MAP3K2: variants seen among roughly 807,000 people sequenced by gnomAD.
MAP3K2 encodes the protein mitogen-activated protein kinase kinase kinase 2, also known as MAP/ERK kinase kinase 2.
MAP3K2 carries 24 observed loss-of-function variants against 80.3 expected under a neutral mutation model. The ratio of observed to expected loss-of-function variants is 0.30; its 90% CI spans 0.22 to 0.42. The LOEUF (loss-of-function observed/expected upper bound fraction) is 0.42. MAP3K2 is among the 10% of genes least tolerant of loss of function. The pLI is 1.00. For synonymous variants in MAP3K2, 244 were observed against 253.7 expected (o/e 0.96, Z 0.36); for missense variants, 608 against 750.1 (o/e 0.81, Z 2.21).
Position 127,356,219 on chromosome 2 carries a change from T to C in MAP3K2, c.-65-13025A>G, listed in dbSNP as rs141519450. Among the ~76,000 whole-genome samples, 660 of 152,258 alleles carry C rather than the reference T, an allele frequency of 4.3e-3. 6 individuals are homozygous for C. The highest frequency in any genetic ancestry group is 0.015 in the African/African-American group (628 of 41,506). On this transcript the variant is annotated intron_variant, in intron 1 of 16. Transcript: ENST00000682094. ...ACCTCCTCCCATGAATCACCAATGT[T>C]CTTAATGGCACCTAGAATGATGAAT...
chr2:127,388,404 G>A (rs1261422285), upstream of MAP3K2: 4 of 985,428 alleles, frequency 4.1e-6, no homozygotes, highest in Non-Finnish European at 4.8e-6. Context: ...AAGGAGAAAA[G>A]CCGTCTGCCT....
chr2:127,307,910 G>T lies in MAP3K2; in HGVS notation c.1635-106C>A. ...ATTAAGTCCATATATATTTAAATAT[G>T]ACTTAATTTCAAGTTCAAAGTTTCA... On this transcript the variant is annotated intron_variant, in intron 16 of 16. Transcript: ENST00000682094. The surrounding 1 kb of genome is among the most constrained non-coding windows in gnomAD (Gnocchi z 5.4). The T allele has an allele frequency of 4.6e-6, 3 of 653,768 alleles. No homozygotes were observed. Among genetic ancestry groups the T allele is most frequent in the South Asian group, 2.6e-5 (1 of 38,358 alleles). 40.5% of individuals were successfully genotyped at this position (653,768 alleles called of 1,614,324 possible). A position where few individuals can be genotyped will look rare whatever the true frequency, so the allele number is the denominator to read the frequency against.
chr2:127,379,483 C>T (rs1687211817), intron 1 of MAP3K2, among the ~76,000 whole-genome samples: 1 of 152,166 alleles, frequency 6.6e-6, no homozygotes, highest in Admixed American at 6.5e-5. Flanking sequence ...ATAATCTTAG[C>T]TATTCACTAC....
intron 5 of MAP3K2, among the ~76,000 whole-genome samples, chr2:127,333,259 TCCA>T (rs61179576): frequency 0.093 from 13,548 of 145,506 alleles, 782 homozygotes; most frequent in African/African-American, 0.18. Flanking sequence ...CCTGAACACC[TCCA>T]CAACCAACCC....
intron 15 of MAP3K2, among the ~76,000 whole-genome samples, chr2:127,314,372 G>A (rs1685862027): frequency 6.6e-6 from 1 of 152,164 alleles, no homozygotes; most frequent in Non-Finnish European, 1.5e-5. Flanking sequence ...TAAGAATGAG[G>A]AACTGAGAGA....
At chr2:127,354,550 T>TA (rs1686764752) in intron 1 of MAP3K2, among the ~76,000 whole-genome samples, 1 of 151,922 alleles carries the variant, frequency 6.6e-6, no homozygotes, top group Non-Finnish European at 1.5e-5. Flanking sequence ...GTCTCAAAAG[T>TA]AGAGAAAAAT....
At chr2:127,343,296 A>G (rs962302861) in intron 1 of MAP3K2, 102 bp from the exon 2 acceptor site, 57 of 583,632 alleles carry the variant, frequency 9.8e-5, no homozygotes, top group Non-Finnish European at 1.5e-4. Flanking sequence ...TGAAAAATAT[A>G]CAATATGAAT....
chr2:127,378,982 T>TG (rs1553519596), intron 1 of MAP3K2, among the ~76,000 whole-genome samples: 5 of 28,532 alleles, frequency 1.8e-4, no homozygotes, highest in Non-Finnish European at 4.4e-4. Context: ...TTTTTTGTTG[T>TG]TTTTTTTTTT....
At chr2:127,350,390 C>A in intron 1 of MAP3K2, among the ~76,000 whole-genome samples, 1 of 148,278 alleles carries the variant, frequency 6.7e-6, no homozygotes. Context: ...TCACTTCAGC[C>A]CAGGGGTTTG....
At chr2:127,343,085 C>T in intron 2 of MAP3K2, 41 bp downstream of exon 2, 1 of 1,519,678 alleles carries the variant, frequency 6.6e-7, no homozygotes, top group Non-Finnish European at 8.9e-7. Context: ...TCCATTCTAT[C>T]CTTTAATTAT....
intron 2 of MAP3K2, among the ~76,000 whole-genome samples, chr2:127,341,133 G>T (rs1686475494): frequency 6.6e-6 from 1 of 151,666 alleles, no homozygotes; most frequent in Non-Finnish European, 1.5e-5. Flanking sequence ...GGGACTACAG[G>T]CACCCCCCAC....
At chr2:127,378,529 GATAAA>G (rs1268759928) in intron 1 of MAP3K2, among the ~76,000 whole-genome samples, 56 of 152,118 alleles carry the variant, frequency 3.7e-4, no homozygotes, top group Non-Finnish European at 4.4e-5. Flanking sequence ...AATTTTTTAT[GATAAA>G]ATAACATTCA....
At position 127,307,755 on chromosome 2, in the gene MAP3K2, C is replaced by T; in HGVS notation, c.1684G>A (p.Ala562Thr). The change falls in exon 17 of 17, where the codon GCT becomes ACT. Residue 562 changes from alanine to threonine, a missense_variant. By Grantham distance (58) the Ala-to-Thr change is moderately conservative. Transcript: ENST00000682094. This position sits in a 1 kb window ranked among gnomAD's most constrained non-coding sequence, Gnocchi z 5.4. ...ATGGCAGCCATTGCTTCAAATTCAG[C>T]CCAAGGCGGCTTTTCAGTTAGCATT... is the stretch of plus-strand genomic sequence containing the variant. ...VEMLTEKPPW[A>T]EFEAMAAIFK... The T allele has an allele frequency of 6.3e-7, 1 of 1,596,664 alleles. No individual in the cohort carries two copies. The highest frequency in any genetic ancestry group is 8.5e-7 in the Non-Finnish European group (1 of 1,170,880).
Position 127,299,915 on chromosome 2 carries a change from A to G in MAP3K2, c.*7664T>C, listed in dbSNP as rs1208212583. 6.6e-6 allele frequency: 1 copy of G among 152,038 alleles called. No individual in the cohort carries two copies. The highest frequency in any genetic ancestry group is 1.9e-4 in the East Asian group (1 of 5,188). 9.4% of individuals were successfully genotyped at this position (152,038 alleles called of 1,614,324 possible). ...AGAAATGAAATGAAAATAAGAACTT[A>G]CTGGGATATATACATGTGCCTACAG... On this transcript the variant is annotated 3_prime_UTR_variant, in exon 17 of 17. Transcript: ENST00000682094.
In MAP3K2 at chr2:127,305,208, A is replaced by G. The variant is rs542356974; in HGVS notation, c.*2371T>C. 1.5e-4 allele frequency: 23 copies of G among 152,674 alleles called. No individual in the cohort carries two copies. The highest frequency in any genetic ancestry group is 5.5e-4 in the African/African-American group (23 of 41,556). 9.5% of individuals were successfully genotyped at this position (152,674 alleles called of 1,614,324 possible). ...AACGAGCCAAAGGAAAAGCACAACT[A>G]CACAAGACAGATATGAAGGAAAAGC... On this transcript the variant is annotated 3_prime_UTR_variant, in exon 17 of 17. Transcript: ENST00000682094.
At chr2:127,375,876 G>C (rs1687143079) in intron 1 of MAP3K2, among the ~76,000 whole-genome samples, 1 of 151,964 alleles carries the variant, frequency 6.6e-6, no homozygotes, top group Non-Finnish European at 1.5e-5. Flanking sequence ...GAACTGAACT[G>C]CTGAGTAACA....
chr2:127,382,448 C>G (rs1243627461), intron 1 of MAP3K2, among the ~76,000 whole-genome samples: 1 of 152,112 alleles, frequency 6.6e-6, no homozygotes, highest in Non-Finnish European at 1.5e-5. Flanking sequence ...ATACATAGTT[C>G]CAGGATCTAG....
chr2:127,356,128 C>T lies in MAP3K2; in HGVS notation c.-65-12934G>A, dbSNP rs144605101. On this transcript the variant is annotated intron_variant, in intron 1 of 16. Coordinates refer to ENST00000682094, the MANE Select transcript of MAP3K2 (RefSeq NM_001371910.2). The stretch of plus-strand genomic sequence containing the variant: ...ACTTCCTCCTCTGAAGTCTTGAACC[C>T]CTTCAAAGTTGTCCATCAGGGCTGG... Among the ~76,000 whole-genome samples, 194 of 152,216 alleles carry T rather than the reference C, an allele frequency of 1.3e-3. No homozygotes were observed. The South Asian group carries it at 0.015, about 11-fold the overall frequency.
At chr2:127,383,325 G>A (rs1391250534) in intron 1 of MAP3K2, among the ~76,000 whole-genome samples, 1 of 152,150 alleles carries the variant, frequency 6.6e-6, no homozygotes, top group Non-Finnish European at 1.5e-5. Flanking sequence ...ACGAGTATGG[G>A]ATGTTTTTCC....
Sources: allele counts gnomAD v4.1 joint callset (sites outside exome capture counted in the v4.1 genomes callset), GRCh38; gene constraint gnomAD v4.1.1; non-coding constraint Gnocchi (gnomAD v3.1); transcripts MANE v1.5; gene names NCBI Gene and HGNC (gene_info 2026-07-23, HGNC 2026-07-21).